FOXM1: variants seen among roughly 807,000 people sequenced by gnomAD.
FOXM1 encodes the protein forkhead box M1.
In FOXM1, 25 loss-of-function variants were observed where a neutral mutation model predicts 63.6. The ratio of observed to expected loss-of-function variants is 0.39; its 90% confidence interval spans 0.29 to 0.55. The LOEUF (loss-of-function observed/expected upper bound fraction) is 0.55. FOXM1 is among the 20% of genes least tolerant of loss of function. FOXM1 has a pLI of 0.60. For synonymous variants in FOXM1, 387 were observed against 376.9 expected (o/e 1.03, Z -0.31); for missense variants, 879 against 958.7 (o/e 0.92, Z 1.10).
At chr12:2,863,158 G>C (rs2098116983) in intron 8 of FOXM1, among the ~76,000 whole-genome samples, 1 of 152,078 alleles carries the variant, frequency 6.6e-6, no homozygotes. Flanking sequence ...GGTGCTACTG[G>C]CGTCTAGTGG....
chr12:2,869,200 G>T (rs1347110999), intron 3 of FOXM1, among the ~76,000 whole-genome samples: 1 of 152,188 alleles, frequency 6.6e-6, no homozygotes, highest in Non-Finnish European at 1.5e-5. Flanking sequence ...ACATTCTCAA[G>T]ACTATGAGTC....
At chr12:2,859,860 T>G (rs1048315237) in intron 8 of FOXM1, 197 bp from the exon 9 acceptor site, 1 of 572,002 alleles carries the variant, frequency 1.7e-6, no homozygotes, top group African/African-American at 1.9e-5. Context: ...AGTGGCATAA[T>G]TATAATAGCA....
At chr12:2,868,457 G>A in intron 4 of FOXM1, 106 bp downstream of exon 4, 1 of 743,766 alleles carries the variant, frequency 1.3e-6, no homozygotes, top group Admixed American at 2.7e-5. Context: ...TATCATTCTA[G>A]TGTCCTTTGC....
At position 2,874,373 on chromosome 12, in the gene FOXM1, G is replaced by A. The variant is rs751233214; in HGVS notation, c.106C>T (p.Pro36Ser). ...ETSEEEPKRS[P>S]AQQESNQAEA... ...GCTTGATTAGACTCCTGTTGGGCAG[G>A]GGATCTCTTAGGTTCCTCCTCTGAT... Residue 36 changes from proline to serine, a missense_variant, in exon 2 of 9, where the codon CCT becomes TCT. This residue lies in a region of FOXM1 where 255 missense variants were observed against 292.4 expected (regional missense o/e 0.87). Transcript: ENST00000359843. This position sits in a 1 kb window ranked among gnomAD's most constrained non-coding sequence, Gnocchi z 4.3. The A allele has an allele frequency of 4.3e-6, 7 of 1,614,066 alleles. No individual in the cohort carries two copies. The South Asian group carries it at 5.5e-5, about 13-fold the overall frequency.
intron 4 of FOXM1, chr12:2,868,299 G>C (rs776593225): frequency 8.6e-5 from 28 of 325,388 alleles, no homozygotes; most frequent in Non-Finnish European, 1.4e-4. Flanking sequence ...GACGGCTGTT[G>C]AGTGTAGCAG....
At chr12:2,870,547 C>T (rs900477897) in intron 3 of FOXM1, among the ~76,000 whole-genome samples, 1 of 151,458 alleles carries the variant, frequency 6.6e-6, no homozygotes, top group African/African-American at 2.4e-5. Flanking sequence ...CCTATAGTCC[C>T]AGCTACTCGG....
chr12:2,876,013 G>A (rs904399179), intron 1 of FOXM1, among the ~76,000 whole-genome samples: 1 of 151,582 alleles, frequency 6.6e-6, no homozygotes, highest in Non-Finnish European at 1.5e-5. Context: ...CACCCGCCTC[G>A]GCCTCCCAAA....
In FOXM1 at chr12:2,872,232, G is replaced by A. The variant is rs771059271; in HGVS notation, c.518C>T (p.Ala173Val). The change falls in exon 3 of 9, where the codon GCA becomes GTA. Residue 173 changes from alanine to valine, a missense_variant. Ala to Val is a moderately conservative substitution (Grantham distance 64). Coordinates refer to ENST00000359843, the MANE Select transcript of FOXM1 (RefSeq NM_021953.4). The surrounding 1 kb of genome is among the most constrained non-coding windows in gnomAD (Gnocchi z 4.0). ...KRETCADGEA[A>V]GCTINNSLSN... Reference sequence around the variant, plus strand: ...TAGGCTATTGTTGATAGTGCAGCCTGCTGCCTCACCATCTGCTAGAGGGAA... The same window carrying A: ...TAGGCTATTGTTGATAGTGCAGCCTACTGCCTCACCATCTGCTAGAGGGAA... 22 of 1,614,148 alleles carry A rather than the reference G, an allele frequency of 1.4e-5. No homozygotes were observed. The highest frequency in any genetic ancestry group is 1.9e-5 in the Non-Finnish European group (22 of 1,180,008).
At chr12:2,865,024 T>C (rs370733742) in intron 6 of FOXM1, 33 of 583,400 alleles carry the variant, frequency 5.7e-5, no homozygotes, top group African/African-American at 4.8e-4. Context: ...CCAGAGCAGG[T>C]AGCTATATGC....
intron 5 of FOXM1, 133 bp from the exon 6 acceptor site, chr12:2,865,532 G>C: frequency 1.6e-6 from 1 of 612,434 alleles, no homozygotes; most frequent in Middle Eastern, 2.7e-4. Flanking sequence ...CCCCTCCCAG[G>C]AGAATGGTTA....
At position 2,868,620 on chromosome 12, in the gene FOXM1, A is replaced by G. The variant is rs1603501153; in HGVS notation, c.789T>C (p.Tyr263=). ...AGGGAAAGTGGTCCTCAATCCACGTATAGATGTCTTTCAAAGTCATGCGCT... is the reference window on the plus strand; with the variant it reads ...AGGGAAAGTGGTCCTCAATCCACGTGTAGATGTCTTTCAAAGTCATGCGCT... The part of the protein sequence containing the change: ...ERKRMTLKDI[Y]TWIEDHFPYF... The change falls in exon 4 of 9, where the codon TAT becomes TAC. Residue 263 remains tyrosine, a synonymous_variant. Coordinates refer to ENST00000359843, the MANE Select transcript of FOXM1 (RefSeq NM_021953.4). 3 of 1,614,048 alleles carry G rather than the reference A, an allele frequency of 1.9e-6. No homozygotes were observed. The highest frequency in any genetic ancestry group is 3.3e-5 in the Admixed American group (2 of 59,994).
intron 8 of FOXM1, chr12:2,864,000 C>T (rs1467385505): frequency 2.1e-5 from 5 of 235,080 alleles, no homozygotes; most frequent in Non-Finnish European, 4.2e-5. Flanking sequence ...CCACAGCGCC[C>T]GGCCAAATCC....
chr12:2,862,693 G>A (rs1377492054), intron 8 of FOXM1, among the ~76,000 whole-genome samples: 1 of 149,850 alleles, frequency 6.7e-6, no homozygotes, highest in Non-Finnish European at 1.5e-5. Flanking sequence ...AAAATGCCTG[G>A]CTAATTAAAA....
chr12:2,870,041 A>G (rs1448024994), intron 3 of FOXM1, among the ~76,000 whole-genome samples: 1 of 142,192 alleles, frequency 7.0e-6, no homozygotes, highest in Non-Finnish European at 1.5e-5. Flanking sequence ...CCCAGGTTGG[A>G]GTGTAATGGC....
In FOXM1 at chr12:2,866,484, A is replaced by G; in HGVS notation, c.884T>C (p.Phe295Ser). ...GCCATTGGCAGACGTCTCCCGGACA[A>G]ACATGTCGTGCAGGGAAAGGTTGTG... Reference protein sequence around the residue: ...IRHNLSLHDMFVRETSANGKV... With the variant: ...IRHNLSLHDMSVRETSANGKV... Residue 295 changes from phenylalanine to serine, a missense_variant, in exon 5 of 9, where the codon TTT (phenylalanine) becomes TCT (serine). Phe to Ser is a radical substitution (Grantham distance 155). Coordinates refer to ENST00000359843, the MANE Select transcript of FOXM1 (RefSeq NM_021953.4). The G allele has an allele frequency of 1.3e-6, 2 of 1,575,834 alleles. No homozygotes were observed. The highest frequency in any genetic ancestry group is 1.7e-6 in the Non-Finnish European group (2 of 1,163,192).
chr12:2,872,246 T>A lies in FOXM1; in HGVS notation c.504A>T (p.Ala168=), dbSNP rs987058927. The A allele has an allele frequency of 5.0e-6, 8 of 1,613,962 alleles. No homozygotes were observed. The highest frequency in any genetic ancestry group is 6.8e-6 in the Non-Finnish European group (8 of 1,179,952). The stretch of plus-strand genomic sequence containing the variant: ...TAGTGCAGCCTGCTGCCTCACCATC[T>A]GCTAGAGGGAAAATAATCCAACACC... ...ALCEQKRETC[A]DGEAAGCTIN... The change falls in exon 3 of 9, where the codon GCA becomes GCT. Residue 168 remains alanine (A), a splice_region_variant and synonymous_variant. Transcript: ENST00000359843. The surrounding 1 kb of genome is among the most constrained non-coding windows in gnomAD (Gnocchi z 4.0).
At position 2,874,641 on chromosome 12, in the gene FOXM1, A is replaced by G; in HGVS notation, c.-47-116T>C. On this transcript the variant is annotated intron_variant, in intron 1 of 8. Coordinates refer to ENST00000359843, the MANE Select transcript of FOXM1 (RefSeq NM_021953.4). This position sits in a 1 kb window ranked among gnomAD's most constrained non-coding sequence, Gnocchi z 4.3. ...GGAACATGAGCCTAAAGGCCCAGGT[A>G]AACATTCCATGGACTTTTGTAAAGA... 1 of 701,538 alleles carries G rather than the reference A, an allele frequency of 1.4e-6. No individual in the cohort carries two copies. The highest frequency in any genetic ancestry group is 2.4e-6 in the Non-Finnish European group (1 of 417,702). 43.5% of individuals were successfully genotyped at this position (701,538 alleles called of 1,614,324 possible). A position where few individuals can be genotyped will look rare whatever the true frequency, so the allele number is the denominator to read the frequency against.
intron 4 of FOXM1, among the ~76,000 whole-genome samples, chr12:2,867,445 A>C (rs1422218975): frequency 2.6e-5 from 4 of 152,082 alleles, no homozygotes; most frequent in African/African-American, 9.7e-5. Flanking sequence ...TGTCTCAAAA[A>C]ACAAACAAAC....
In FOXM1 at chr12:2,874,381, T is replaced by C; in HGVS notation, c.98A>G (p.Lys33Arg). ...AGACTCCTGTTGGGCAGGGGATCTC[T>C]TAGGTTCCTCCTCTGATGTTTCACT... ...APSETSEEEP[K>R]RSPAQQESNQ... The change falls in exon 2 of 9, where the codon AAG (lysine) becomes AGG (arginine). Residue 33 changes from lysine (K) to arginine (R), a missense_variant. Lys to Arg is a conservative substitution (Grantham distance 26, BLOSUM62 2). Transcript: ENST00000359843. The surrounding 1 kb of genome is among the most constrained non-coding windows in gnomAD (Gnocchi z 4.3). The C allele has an allele frequency of 2.5e-6, 4 of 1,614,126 alleles. No homozygotes were observed. In the South Asian group the frequency reaches 4.4e-5, roughly 18 times the overall value.
Sources: gnomAD v4.1 joint callset for allele counts (sites outside exome capture counted in the v4.1 genomes callset) on GRCh38, gnomAD v4.1.1 for gene constraint, gnomAD v4.1.1 regional missense constraint, Gnocchi (gnomAD v3.1) non-coding constraint, MANE v1.5 for transcripts, NCBI Gene and HGNC (gene_info 2026-07-23, HGNC 2026-07-21) for gene names.